MARCHF2: variants seen among roughly 807,000 people sequenced by gnomAD.
MARCHF2 encodes membrane associated ring-CH-type finger 2, also known as E3 ubiquitin-protein ligase MARCHF2.
MARCHF2 carries 22 observed loss-of-function variants against 24.0 expected under a neutral mutation model. That is an observed-to-expected ratio of 0.92 (90% CI 0.66 to 1.31). The LOEUF (loss-of-function observed/expected upper bound fraction) is 1.31. MARCHF2 is among the 50% of genes most tolerant of loss of function. The pLI is 0.00. For synonymous variants in MARCHF2, 154 were observed against 153.0 expected (o/e 1.01, Z -0.05); for missense variants, 301 against 335.3 (o/e 0.90, Z 0.80).
At position 8,430,814 on chromosome 19, in the gene MARCHF2, G is replaced by C; in HGVS notation, c.529G>C (p.Gly177Arg). The change falls in exon 4 of 5, where the codon GGT becomes CGT. Residue 177 changes from glycine (G) to arginine (R), a missense_variant. By Grantham distance (125) the Gly-to-Arg change is moderately radical. Coordinates refer to ENST00000215555, the MANE Select transcript of MARCHF2 (RefSeq NM_001005415.2). This position sits in a 1 kb window ranked among gnomAD's most constrained non-coding sequence, Gnocchi z 4.4. ...LRLHSQLEAV[G>R]LIALTIALFT... ...GCTCCACAGCCAGCTGGAGGCCGTGGGTCTCATTGCCCTCACCATCGCCCT... is the reference window on the plus strand; with the variant it reads ...GCTCCACAGCCAGCTGGAGGCCGTGCGTCTCATTGCCCTCACCATCGCCCT... The C allele has an allele frequency of 6.2e-7, 1 of 1,610,778 alleles. No homozygotes were observed. The highest frequency in any genetic ancestry group is 8.5e-7 in the Non-Finnish European group (1 of 1,179,974).
intron 2 of MARCHF2, among the ~76,000 whole-genome samples, chr19:8,425,441 T>C (rs1362651821): frequency 6.6e-6 from 1 of 151,396 alleles, no homozygotes; most frequent in African/African-American, 2.4e-5. Context: ...AGATGAGATC[T>C]CACTAGGTTG....
intron 1 of MARCHF2, among the ~76,000 whole-genome samples, chr19:8,414,397 T>C (rs1307116918): frequency 2.6e-5 from 4 of 151,926 alleles, no homozygotes; most frequent in Non-Finnish European, 4.4e-5. Flanking sequence ...CCTGGTCAAG[T>C]AGTTGGGATT....
chr19:8,420,160 AAAATAAATAAATAAAT>A (rs74176647), intron 1 of MARCHF2, among the ~76,000 whole-genome samples: 13 of 130,516 alleles, frequency 1.0e-4, no homozygotes, highest in Admixed American at 8.0e-5. Context: ...TCCGTCTCAA[AAAATAAATAAATAAAT>A]AAATAAATAA....
Position 8,430,798 on chromosome 19 carries a change from C to T in MARCHF2, c.513C>T (p.Ser171=), listed in dbSNP as rs967393447. The T allele has an allele frequency of 1.2e-6, 2 of 1,610,932 alleles. No individual in the cohort carries two copies. Among genetic ancestry groups the T allele is most frequent in the Non-Finnish European group, 1.7e-6 (2 of 1,179,996 alleles). The change falls in exon 4 of 5, where the codon AGC becomes AGT. Residue 171 remains serine (S), a synonymous_variant. Coordinates refer to ENST00000215555, the MANE Select transcript of MARCHF2 (RefSeq NM_001005415.2). This position sits in a 1 kb window ranked among gnomAD's most constrained non-coding sequence, Gnocchi z 4.4. The part of the protein sequence containing the change: ...RGAQDHLRLH[S]QLEAVGLIAL... Reference sequence around the variant, plus strand: ...CCCAGGACCACCTCCGGCTCCACAGCCAGCTGGAGGCCGTGGGTCTCATTG... The same window carrying T: ...CCCAGGACCACCTCCGGCTCCACAGTCAGCTGGAGGCCGTGGGTCTCATTG...
intron 2 of MARCHF2, among the ~76,000 whole-genome samples, chr19:8,426,251 AAAG>A (rs1361398305): frequency 6.7e-6 from 1 of 149,644 alleles, no homozygotes; most frequent in East Asian, 2.0e-4. Context: ...AAAAAAAAAA[AAAG>A]AGTTGAGGGT....
chr19:8,430,811 G>T lies in MARCHF2; in HGVS notation c.526G>T (p.Val176Leu), dbSNP rs758433976. 2 of 1,610,848 alleles carry T rather than the reference G, an allele frequency of 1.2e-6. No individual in the cohort carries two copies. The highest frequency in any genetic ancestry group is 1.7e-4 in the Middle Eastern group (1 of 5,830). Residue 176 changes from valine (V) to leucine (L), a missense_variant, in exon 4 of 5, where the codon GTG (valine) becomes TTG (leucine). Physicochemically the swap from Val to Leu is conservative, Grantham distance 32. Transcript: ENST00000215555. This position sits in a 1 kb window ranked among gnomAD's most constrained non-coding sequence, Gnocchi z 4.4. Reference sequence around the variant, plus strand: ...CCGGCTCCACAGCCAGCTGGAGGCCGTGGGTCTCATTGCCCTCACCATCGC... The same window carrying T: ...CCGGCTCCACAGCCAGCTGGAGGCCTTGGGTCTCATTGCCCTCACCATCGC... ...HLRLHSQLEAVGLIALTIALF... is the reference protein window; with the variant it reads ...HLRLHSQLEALGLIALTIALF...
rs1373427553 is a variant in MARCHF2, at chr19:8,419,811, G to A, written c.-52-1978G>A. 3.2e-4 allele frequency among the ~76,000 whole-genome samples: 42 copies of A among 132,744 alleles called. 2 individuals are homozygous for A. Among genetic ancestry groups the A allele is most frequent in the Non-Finnish European group, 3.5e-4 (23 of 64,914 alleles). 87.1% of individuals were successfully genotyped at this position (132,744 alleles called of 152,430 possible). ...AGCCTGGGCGAAAGAGCAAGACTCC[G>A]TCTCAAAAAAAAAATAAATAAATAA... On this transcript the variant is annotated intron_variant, in intron 1 of 4. Transcript: ENST00000215555.
chr19:8,426,147 C>G lies in MARCHF2; in HGVS notation c.177-462C>G, dbSNP rs899206261. 5.5e-5 allele frequency among the ~76,000 whole-genome samples: 8 copies of G among 144,982 alleles called. No individual in the cohort carries two copies. In the Admixed American group the frequency reaches 5.9e-4, roughly 11 times the overall value. On this transcript the variant is annotated intron_variant, in intron 2 of 4. Coordinates refer to ENST00000215555, the MANE Select transcript of MARCHF2 (RefSeq NM_001005415.2). ...TCGGGAGGCTGAGGTGGGAGAATGG[C>G]GTGAACCCGGGAGGCGGAGCTTGCA...
rs1568233711 is a variant in MARCHF2 at position 8,415,745 on chromosome 19, A to AAAAAAAAAAAAAAAAC, written c.-53+2335_-53+2336insAAAAACAAAAAAAAAA. Among the ~76,000 whole-genome samples, 8 of 54,006 alleles carry AAAAAAAAAAAAAAAAC rather than the reference A, an allele frequency of 1.5e-4. 1 individual carries two copies. The highest frequency in any genetic ancestry group is 2.5e-4 in the Non-Finnish European group (6 of 24,412). The allele number at this position is 54,006 out of a possible 152,430, so 35.4% of individuals were successfully genotyped here. On this transcript the variant is annotated intron_variant, in intron 1 of 4. Coordinates refer to ENST00000215555, the MANE Select transcript of MARCHF2 (RefSeq NM_001005415.2). Reference sequence around the variant, plus strand: ...TCAAAAAAAAAAAAACAAAAAAAACAAAAAAAAAAACCAGACAAAAGAAAG... The same window carrying AAAAAAAAAAAAAAAAC: ...TCAAAAAAAAAAAAACAAAAAAAACAAAAAAAAAAAAAAAACAAAAAAAAAACCAGACAAAAGAAAG...
Position 8,438,668 on chromosome 19 carries a change from C to G in MARCHF2, c.*122C>G. ...CAGTTCCCGCACGGCCTGAACGCTTCTTAGGCCAAGAGACACCATGCAGAG... is the reference window on the plus strand; with the variant it reads ...CAGTTCCCGCACGGCCTGAACGCTTGTTAGGCCAAGAGACACCATGCAGAG... On this transcript the variant is annotated 3_prime_UTR_variant, in exon 5 of 5. Transcript: ENST00000215555. 9.7e-7 allele frequency: 1 copy of G among 1,028,686 alleles called. No individual in the cohort carries two copies. The highest frequency in any genetic ancestry group is 1.4e-6 in the Non-Finnish European group (1 of 715,612). 63.7% of individuals were successfully genotyped at this position (1,028,686 alleles called of 1,614,324 possible). A position where few individuals can be genotyped will look rare whatever the true frequency, so the allele number is the denominator to read the frequency against.
chr19:8,435,103 C>T (rs1310479518), intron 4 of MARCHF2, among the ~76,000 whole-genome samples: 2 of 150,044 alleles, frequency 1.3e-5, no homozygotes, highest in African/African-American at 4.9e-5. Flanking sequence ...ACTGCAACTT[C>T]TGCCTCTCAG....
intron 4 of MARCHF2, among the ~76,000 whole-genome samples, chr19:8,437,273 C>A (rs1328603341): frequency 1.3e-5 from 2 of 152,008 alleles, no homozygotes; most frequent in African/African-American, 4.8e-5. Flanking sequence ...AGCCACCTTA[C>A]CCAGCTTCGT....
Position 8,429,567 on chromosome 19 carries a change from C to T in MARCHF2, c.373-1091C>T, listed in dbSNP as rs535569689. On this transcript the variant is annotated intron_variant, in intron 3 of 4. Transcript: ENST00000215555. ...TCACCCAGGCTGGAGTGCAGTGGCA[C>T]GATCTTGGCTTACTGCAACCTCCAC... Among the ~76,000 whole-genome samples, 100 of 151,248 alleles carry T rather than the reference C, an allele frequency of 6.6e-4. 1 individual carries two copies. Among genetic ancestry groups the T allele is most frequent in the African/African-American group, 2.1e-3 (86 of 41,340 alleles).
chr19:8,438,784 T>A lies in MARCHF2; in HGVS notation c.*238T>A. 1 of 451,448 alleles carries A rather than the reference T, an allele frequency of 2.2e-6. No individual in the cohort carries two copies. Among genetic ancestry groups the A allele is most frequent in the Non-Finnish European group, 4.0e-6 (1 of 250,710 alleles). 28.0% of individuals were successfully genotyped at this position (451,448 alleles called of 1,614,324 possible). A position where few individuals can be genotyped will look rare whatever the true frequency, so the allele number is the denominator to read the frequency against. On this transcript the variant is annotated 3_prime_UTR_variant, in exon 5 of 5. Transcript: ENST00000215555. The stretch of plus-strand genomic sequence containing the variant: ...GACAGGTGGACATGGTCCTGAGCTC[T>A]GGACGGAGCAGGCACCCTGATCTCA...
At chr19:8,427,576 G>C (rs1171018199) in intron 3 of MARCHF2, 1 of 151,850 alleles carries the variant, frequency 6.6e-6, no homozygotes, top group Non-Finnish European at 1.5e-5. Context: ...AGTGCAGTAA[G>C]GGAAAAACAT....
chr19:8,425,873 C>T (rs894220165), intron 2 of MARCHF2, among the ~76,000 whole-genome samples: 2 of 151,724 alleles, frequency 1.3e-5, no homozygotes, highest in African/African-American at 4.8e-5. Flanking sequence ...CCTTGGCCTC[C>T]CAAAGTACTG....
intron 1 of MARCHF2, 118 bp from the exon 2 acceptor site, chr19:8,421,671 G>A (rs970744183): frequency 1.8e-6 from 1 of 544,902 alleles, no homozygotes; most frequent in African/African-American, 1.9e-5. Context: ...GGTGCAAACT[G>A]AGGCTCAGAG....
chr19:8,433,036 T>G (rs1420481877), intron 4 of MARCHF2, among the ~76,000 whole-genome samples: 1 of 151,662 alleles, frequency 6.6e-6, no homozygotes, highest in African/African-American at 2.4e-5. Flanking sequence ...CTGGGCAAAG[T>G]GGCAAAACCC....
At chr19:8,422,469 T>C (rs1186994432) in intron 2 of MARCHF2, among the ~76,000 whole-genome samples, 4 of 152,086 alleles carry the variant, frequency 2.6e-5, no homozygotes, top group African/African-American at 7.2e-5. Context: ...CTCAGCTCAC[T>C]GAAACCTCCG....
Sources: gnomAD v4.1 joint callset for allele counts (sites outside exome capture counted in the v4.1 genomes callset) on GRCh38, gnomAD v4.1.1 for gene constraint, Gnocchi (gnomAD v3.1) non-coding constraint, MANE v1.5 for transcripts, NCBI Gene and HGNC (gene_info 2026-07-23, HGNC 2026-07-21) for gene names.